SYT1: variants seen among roughly 807,000 people sequenced by gnomAD.
The protein encoded by SYT1 is synaptotagmin-1.
A neutral mutation model predicts 44.8 loss-of-function variants in SYT1; 8 were observed. The observed-to-expected ratio is 0.18, with a 90% CI of 0.10 to 0.32. SYT1 has a LOEUF of 0.32. Ranked by LOEUF, SYT1 falls within the 10% of genes least tolerant of loss-of-function variation. The pLI is 1.00. For missense variants in SYT1, 286 were observed against 509.3 expected (o/e 0.56, Z 4.22); for synonymous variants, 154 against 188.8 (o/e 0.82, Z 1.51).
At chr12:79,252,752 G>A (rs1019320546) in intron 4 of SYT1, among the ~76,000 whole-genome samples, 1 of 152,108 alleles carries the variant, frequency 6.6e-6, no homozygotes, top group Non-Finnish European at 1.5e-5. Context: ...CTGAGACTTC[G>A]GATTGTTTGT....
intron 5 of SYT1, among the ~76,000 whole-genome samples, chr12:79,286,777 T>C (rs1396383113): frequency 6.6e-6 from 1 of 152,166 alleles, no homozygotes; most frequent in Non-Finnish European, 1.5e-5. Flanking sequence ...TCTTCATTTT[T>C]GAAATAATAT....
At chr12:78,883,447 C>T (rs1362589993) in intron 1 of SYT1, among the ~76,000 whole-genome samples, 1 of 151,606 alleles carries the variant, frequency 6.6e-6, no homozygotes, top group East Asian at 1.9e-4. Flanking sequence ...CCTTCATGAA[C>T]TGATATTAGA....
At chr12:79,189,289 A>G (rs1262737080) in intron 3 of SYT1, among the ~76,000 whole-genome samples, 1 of 152,158 alleles carries the variant, frequency 6.6e-6, no homozygotes, top group Non-Finnish European at 1.5e-5. Context: ...TAGTCTGTCT[A>G]CACTTTAATT....
At chr12:79,006,829 T>C (rs1187776510) in intron 2 of SYT1, among the ~76,000 whole-genome samples, 1 of 152,174 alleles carries the variant, frequency 6.6e-6, no homozygotes, top group Non-Finnish European at 1.5e-5. Context: ...AAATGCATTA[T>C]GATCACACTT....
chr12:79,027,760 G>T lies in SYT1; in HGVS notation c.-83-19537G>T, dbSNP rs149758281. Among the ~76,000 whole-genome samples, 460 of 151,558 alleles carry T rather than the reference G, an allele frequency of 3.0e-3. 3 individuals carry two copies. Among genetic ancestry groups the T allele is most frequent in the African/African-American group, 9.8e-3 (407 of 41,420 alleles). ...ATAATTTATTTAAAACCATAAATAA[G>T]AAGCTTTATTAAGATACATTCTATC... On this transcript the variant is annotated intron_variant, in intron 2 of 10. Transcript: ENST00000261205.
intron 4 of SYT1, among the ~76,000 whole-genome samples, chr12:79,219,725 A>G (rs1029628181): frequency 6.6e-6 from 1 of 151,970 alleles, no homozygotes; most frequent in Non-Finnish European, 1.5e-5. Context: ...TGCTTGTACC[A>G]TGCTGTTTTG....
At chr12:79,252,822 G>A (rs183974851) in intron 4 of SYT1, among the ~76,000 whole-genome samples, 239 of 152,238 alleles carry the variant, frequency 1.6e-3, no homozygotes, top group African/African-American at 5.1e-3. Context: ...ACACAATAAC[G>A]CATTTAACTT....
At chr12:79,061,859 T>A (rs1283151014) in intron 3 of SYT1, among the ~76,000 whole-genome samples, 1 of 152,144 alleles carries the variant, frequency 6.6e-6, no homozygotes, top group African/African-American at 2.4e-5. Flanking sequence ...TTGAAGTTTA[T>A]CTCTTAGCAG....
Position 79,408,010 on chromosome 12 carries a change from T to G in SYT1, c.929-36063T>G, listed in dbSNP as rs554966914. ...TCGAGAAGAGGCTGAATGGAGAACC[T>G]TAAATGCATGGGGAATATTCCTGAG... On this transcript the variant is annotated intron_variant, in intron 9 of 10. Coordinates refer to ENST00000261205, the MANE Select transcript of SYT1 (RefSeq NM_005639.3). Among the ~76,000 whole-genome samples the G allele has an allele frequency of 9.9e-5, 15 of 152,268 alleles. No individual in the cohort carries two copies. The East Asian group carries it at 2.7e-3, about 27-fold the overall frequency.
chr12:79,108,941 G>A (rs1047578441), intron 3 of SYT1, among the ~76,000 whole-genome samples: 10 of 152,260 alleles, frequency 6.6e-5, no homozygotes, highest in Non-Finnish European at 1.0e-4. Flanking sequence ...CATTAGTAAC[G>A]TTGCGGGAAC....
chr12:79,179,708 C>A (rs1468807894), intron 3 of SYT1, among the ~76,000 whole-genome samples: 2 of 151,692 alleles, frequency 1.3e-5, no homozygotes, highest in African/African-American at 4.8e-5. Flanking sequence ...GCGGGAGCCA[C>A]CATGCCTGGC....
At chr12:79,064,793 C>T (rs1039848769) in intron 3 of SYT1, among the ~76,000 whole-genome samples, 48 of 151,454 alleles carry the variant, frequency 3.2e-4, no homozygotes, top group African/African-American at 1.1e-3. Flanking sequence ...CTATTCTGCA[C>T]CCCAAACACA....
chr12:78,988,742 G>T (rs1546591), intron 2 of SYT1, among the ~76,000 whole-genome samples: 30,395 of 151,918 alleles, frequency 0.2, 3,503 homozygotes, highest in African/African-American at 0.33. Context: ...ACATGGAGTT[G>T]TGATTTTTGG....
At chr12:79,183,297 A>G (rs1872640918) in intron 3 of SYT1, among the ~76,000 whole-genome samples, 1 of 151,942 alleles carries the variant, frequency 6.6e-6, no homozygotes, top group African/African-American at 2.4e-5. Flanking sequence ...TTTAGTGAAC[A>G]CAGTAAGTTG....
intron 3 of SYT1, among the ~76,000 whole-genome samples, chr12:79,100,254 T>G (rs990201130): frequency 3.3e-5 from 5 of 152,116 alleles, no homozygotes; most frequent in African/African-American, 1.2e-4. Flanking sequence ...GGTAACTAAT[T>G]TGAATAAATT....
At position 79,438,845 on chromosome 12, in the gene SYT1, A is replaced by G. The variant is rs1453800405; in HGVS notation, c.929-5228A>G. 2.0e-5 allele frequency among the ~76,000 whole-genome samples: 3 copies of G among 152,218 alleles called. No homozygotes were observed. The East Asian group carries it at 5.8e-4, about 29-fold the overall frequency. Reference sequence around the variant, plus strand: ...GGTAAGTCATATCCCCGTAGCTTTAACACAGTGACTTCCTATTCCTCATTC... The same window carrying G: ...GGTAAGTCATATCCCCGTAGCTTTAGCACAGTGACTTCCTATTCCTCATTC... On this transcript the variant is annotated intron_variant, in intron 9 of 10. Transcript: ENST00000261205.
chr12:79,297,077 C>T (rs1879910406), intron 7 of SYT1, among the ~76,000 whole-genome samples: 2 of 152,144 alleles, frequency 1.3e-5, no homozygotes, highest in African/African-American at 4.8e-5. Context: ...CTTGTGTTGG[C>T]AAACATTCTG....
At chr12:79,100,118 G>A (rs963355662) in intron 3 of SYT1, among the ~76,000 whole-genome samples, 3 of 151,928 alleles carry the variant, frequency 2.0e-5, no homozygotes, top group Admixed American at 6.6e-5. Context: ...TAATAATAAC[G>A]AACATTTGGA....
intron 9 of SYT1, among the ~76,000 whole-genome samples, chr12:79,373,036 C>G (rs1883854876): frequency 6.6e-6 from 1 of 152,158 alleles, no homozygotes; most frequent in African/African-American, 2.4e-5. Flanking sequence ...AGAGAAATGA[C>G]AAGATATTTC....
Sources: gnomAD v4.1 joint callset for allele counts (sites outside exome capture counted in the v4.1 genomes callset) on GRCh38, gnomAD v4.1.1 for gene constraint, MANE v1.5 for transcripts, NCBI Gene and HGNC (gene_info 2026-07-23, HGNC 2026-07-21) for gene names.